Variants in SLC24A2 observed in about 807,000 individuals in gnomAD.
SLC24A2 encodes sodium/potassium/calcium exchanger 2.
Under a neutral mutation model 62.0 loss-of-function variants are expected in SLC24A2, and 36 were observed. The observed-to-expected ratio is 0.58, with a 90% CI of 0.44 to 0.77. The LOEUF (loss-of-function observed/expected upper bound fraction) is 0.77. Among genes scored for constraint, SLC24A2 ranks in the 30% least tolerant of loss-of-function variants. The pLI is 0.00. For missense variants in SLC24A2, 846 were observed against 817.9 expected, an observed-to-expected ratio of 1.03 and a Z score of -0.42; for synonymous variants, 358 against 294.0, an observed-to-expected ratio of 1.22 and a Z score of -2.23.
chr9:19,593,074 T>C (rs1006062064), intron 5 of SLC24A2, among the ~76,000 whole-genome samples: 4 of 152,238 alleles, frequency 2.6e-5, no homozygotes, highest in Non-Finnish European at 2.9e-5. Context: ...GTAAGACAGG[T>C]TGTCATCTTG....
At chr9:19,550,414 G>C (rs931921013) in intron 7 of SLC24A2, 146 bp from the exon 8 acceptor site, 1 of 771,372 alleles carries the variant, frequency 1.3e-6, no homozygotes, top group Non-Finnish European at 2.1e-6. Context: ...GTGATTTTGA[G>C]ATTTGTCACA....
chr9:20,072,985 G>C, the SLC24A2 span, among the ~76,000 whole-genome samples: 3 of 152,218 alleles, frequency 2.0e-5, no homozygotes, highest in East Asian at 5.8e-4. Flanking sequence ...GTAACACAGA[G>C]ACATCACACA....
chr9:20,197,891 G>A, the SLC24A2 span, among the ~76,000 whole-genome samples: 1 of 152,164 alleles, frequency 6.6e-6, no homozygotes, highest in Non-Finnish European at 1.5e-5. Flanking sequence ...ATGTAAAGGT[G>A]AAAAATGAAA....
chr9:19,690,159 C>T (rs1327142617), intron 2 of SLC24A2, among the ~76,000 whole-genome samples: 1 of 151,754 alleles, frequency 6.6e-6, no homozygotes. Flanking sequence ...CTCTCTGTAG[C>T]TTTATACATG....
At chr9:19,735,630 T>C (rs943580111) in intron 2 of SLC24A2, among the ~76,000 whole-genome samples, 1 of 152,088 alleles carries the variant, frequency 6.6e-6, no homozygotes, top group African/African-American at 2.4e-5. Context: ...ATGATAAGAC[T>C]AGATTAAGAA....
intron 2 of SLC24A2, among the ~76,000 whole-genome samples, chr9:19,730,129 T>C (rs1246785616): frequency 6.6e-6 from 1 of 152,166 alleles, no homozygotes; most frequent in African/African-American, 2.4e-5. Flanking sequence ...CTCACTTCCT[T>C]CAGGCCTCTG....
chr9:20,076,181 T>C, the SLC24A2 span, among the ~76,000 whole-genome samples: 2 of 152,020 alleles, frequency 1.3e-5, no homozygotes, highest in Non-Finnish European at 2.9e-5. Flanking sequence ...ACATGACACA[T>C]AAAAATTCAA....
intron 8 of SLC24A2, among the ~76,000 whole-genome samples, chr9:19,528,953 G>A (rs1833561679): frequency 6.6e-6 from 1 of 152,084 alleles, no homozygotes; most frequent in Non-Finnish European, 1.5e-5. Context: ...CCTAGAAATA[G>A]CCAAAAAATC....
chr9:20,001,256 T>C, the SLC24A2 span, among the ~76,000 whole-genome samples: 2 of 152,314 alleles, frequency 1.3e-5, no homozygotes, highest in South Asian at 2.1e-4. Flanking sequence ...TCCACCTTCC[T>C]GCAAAGCTGC....
At chr9:20,189,175 C>T in the SLC24A2 span, among the ~76,000 whole-genome samples, 266 of 147,982 alleles carry the variant, frequency 1.8e-3, 1 homozygote, top group African/African-American at 6.4e-3. Context: ...GAAGTTGGTT[C>T]GATCTCAATT....
the SLC24A2 span, among the ~76,000 whole-genome samples, chr9:20,062,935 C>A: frequency 8.5e-6 from 1 of 117,762 alleles, no homozygotes; most frequent in Non-Finnish European, 1.7e-5. Context: ...ATCAAAACCA[C>A]AATGAGATAC....
intron 2 of SLC24A2, among the ~76,000 whole-genome samples, chr9:19,630,869 T>C (rs901366811): frequency 1.3e-5 from 2 of 152,210 alleles, no homozygotes; most frequent in Admixed American, 6.5e-5. Context: ...AGAACCAGTC[T>C]CACTCCTTGA....
the SLC24A2 span, among the ~76,000 whole-genome samples, chr9:20,004,134 C>A: frequency 4.6e-5 from 7 of 152,172 alleles, no homozygotes; most frequent in Admixed American, 1.3e-4. Context: ...GACACAGACC[C>A]CTTCTAATGA....
At chr9:20,244,280 C>T in the SLC24A2 span, among the ~76,000 whole-genome samples, 1 of 152,058 alleles carries the variant, frequency 6.6e-6, no homozygotes, top group Non-Finnish European at 1.5e-5. Flanking sequence ...TACAAGATCC[C>T]AAGGAGACAA....
At chr9:19,662,309 G>A (rs10811225) in intron 2 of SLC24A2, among the ~76,000 whole-genome samples, 58,562 of 152,052 alleles carry the variant, frequency 0.39, 11,658 homozygotes, top group African/African-American at 0.46. Context: ...ACCAGAGTGT[G>A]TGTTAATACA....
chr9:20,127,346 T>C, the SLC24A2 span, among the ~76,000 whole-genome samples: 1 of 152,184 alleles, frequency 6.6e-6, no homozygotes, highest in African/African-American at 2.4e-5. Flanking sequence ...TTTAACCTTT[T>C]CTTTTATGAA....
chr9:19,847,630 G>T, the SLC24A2 span, among the ~76,000 whole-genome samples: 1 of 152,194 alleles, frequency 6.6e-6, no homozygotes, highest in Non-Finnish European at 1.5e-5. Context: ...CCACACCGGA[G>T]AGAAGACTGG....
At chr9:20,118,193 AG>A in the SLC24A2 span, among the ~76,000 whole-genome samples, 1 of 151,574 alleles carries the variant, frequency 6.6e-6, no homozygotes, top group Non-Finnish European at 1.5e-5. Context: ...GAAAGAAAAA[AG>A]AAACTTCCTC....
chr9:19,981,807 C>A, the SLC24A2 span, among the ~76,000 whole-genome samples: 3 of 152,114 alleles, frequency 2.0e-5, no homozygotes, highest in Non-Finnish European at 2.9e-5. Context: ...CTGAACAGAA[C>A]ATTTTAAGTC....
Sources: allele counts gnomAD v4.1 joint callset (sites outside exome capture counted in the v4.1 genomes callset), GRCh38; gene constraint gnomAD v4.1.1; transcripts MANE v1.5; gene names NCBI Gene and HGNC (gene_info 2026-07-23, HGNC 2026-07-21).